The following TRMT10B variants were observed in gnomAD, a reference collection of about 807,000 sequenced individuals.
The protein encoded by TRMT10B is tRNA methyltransferase 10B.
In TRMT10B, 33 loss-of-function variants were observed where a neutral mutation model predicts 43.8. That is an observed-to-expected ratio of 0.75 (90% confidence interval 0.57 to 1.01). The LOEUF (loss-of-function observed/expected upper bound fraction) is 1.01, where lower values mean the gene tolerates loss of function less well. Among genes scored for constraint, TRMT10B ranks in the 50% least tolerant of loss-of-function variants. The probability of loss-of-function intolerance (pLI) is 0.00; values close to 1 mark genes in which losing one functional copy is unlikely to be tolerated. For missense variants in TRMT10B, 362 were observed against 369.8 expected (o/e 0.98, Z 0.17); for synonymous variants, 137 against 130.6 (o/e 1.05, Z -0.34).
chr9:37,768,785 G>A (rs1256459229), intron 5 of TRMT10B, among the ~76,000 whole-genome samples: 1 of 152,182 alleles, frequency 6.6e-6, no homozygotes, highest in Non-Finnish European at 1.5e-5. Context: ...GAATGTGAAG[G>A]GTGCATTGCG....
intron 1 of TRMT10B, among the ~76,000 whole-genome samples, chr9:37,760,806 A>C (rs1826246792): frequency 6.6e-6 from 1 of 152,210 alleles, no homozygotes. Flanking sequence ...TTTTTCATAA[A>C]AGTGGTTGTG....
At chr9:37,758,538 A>C (rs1430595923) in intron 1 of TRMT10B, among the ~76,000 whole-genome samples, 1 of 152,204 alleles carries the variant, frequency 6.6e-6, no homozygotes, top group African/African-American at 2.4e-5. Flanking sequence ...TTAAAGGCTC[A>C]GTTGGAAAAT....
At chr9:37,761,489 A>G (rs1208405091) in intron 1 of TRMT10B, among the ~76,000 whole-genome samples, 6 of 152,208 alleles carry the variant, frequency 3.9e-5, no homozygotes, top group Admixed American at 3.9e-4. Flanking sequence ...ACTTGAGGTC[A>G]GGAGTCCGAG....
chr9:37,771,926 G>A lies in TRMT10B; in HGVS notation c.720+1187G>A, dbSNP rs1168899260. The stretch of plus-strand genomic sequence containing the variant: ...GGCCTTGCTCTGTTGCTGCAACCTC[G>A]ATCTCCTGGGCTCAAGCAATCCTCC... On this transcript the variant is annotated intron_variant, in intron 7 of 8. Transcript: ENST00000297994. Among the ~76,000 whole-genome samples the A allele has an allele frequency of 2.7e-5, 4 of 150,662 alleles. No individual in the cohort carries two copies. The South Asian group carries it at 6.3e-4, about 24-fold the overall frequency.
Position 37,778,937 on chromosome 9 carries a change from T to C in TRMT10B, c.*1230T>C, listed in dbSNP as rs1272185915. 6.6e-6 allele frequency: 1 copy of C among 151,958 alleles called. No homozygotes were observed. Among genetic ancestry groups the C allele is most frequent in the African/African-American group, 2.4e-5 (1 of 41,304 alleles). The allele number at this position is 151,958 out of a possible 1,614,324, so 9.4% of individuals were successfully genotyped here. ...GCCTGTACCAACTAGATTCTTCATA[T>C]GTATTTGTAACAGATTAAATTGGAA... On this transcript the variant is annotated 3_prime_UTR_variant, in exon 9 of 9. Transcript: ENST00000297994.
intron 1 of TRMT10B, among the ~76,000 whole-genome samples, chr9:37,754,383 ATGTT>A (rs1417268863): frequency 6.6e-6 from 1 of 152,162 alleles, no homozygotes; most frequent in Non-Finnish European, 1.5e-5. Context: ...CTTGAAGGGT[ATGTT>A]TGAGGAACAG....
chr9:37,768,139 C>T lies in TRMT10B; in HGVS notation c.484C>T (p.Pro162Ser). The T allele has an allele frequency of 6.2e-7, 1 of 1,614,068 alleles. No homozygotes were observed. The highest frequency in any genetic ancestry group is 8.5e-7 in the Non-Finnish European group (1 of 1,179,982). ...TGGTTCAAACAAAAAAGCTGACAGG[C>T]CATTTTGGATCTGCCTCACTGGATT... ...LYGSNKKADRPFWICLTGFTT... is the reference protein window; with the variant it reads ...LYGSNKKADRSFWICLTGFTT... Residue 162 changes from proline to serine, a missense_variant, in exon 5 of 9, where the codon CCA becomes TCA. Coordinates refer to ENST00000297994, the MANE Select transcript of TRMT10B (RefSeq NM_144964.4).
intron 1 of TRMT10B, among the ~76,000 whole-genome samples, chr9:37,754,648 A>T (rs777848468): frequency 6.6e-6 from 1 of 152,136 alleles, no homozygotes; most frequent in Non-Finnish European, 1.5e-5. Context: ...GCTGTCATGC[A>T]AGGCAGGGTC....
chr9:37,769,961 C>T lies in TRMT10B; in HGVS notation c.594C>T (p.Asp198=). The change falls in exon 6 of 9, where the codon GAC becomes GAT. Residue 198 remains aspartate, a synonymous_variant. Coordinates refer to ENST00000297994, the MANE Select transcript of TRMT10B (RefSeq NM_144964.4). ...TCCAGTTAGACATAACAGAAGAAGA[C>T]TGCTTTAGTTTATTTCCCTTGGAAA... ...SSYLLDITEE[D]CFSLFPLETL... is the part of the protein sequence containing the mutation. 1 of 1,614,116 alleles carries T rather than the reference C, an allele frequency of 6.2e-7. No individual in the cohort carries two copies. Among genetic ancestry groups the T allele is most frequent in the Non-Finnish European group, 8.5e-7 (1 of 1,179,978 alleles).
chr9:37,776,504 A>C (rs1230966094), intron 8 of TRMT10B, 99 bp downstream of exon 8: 1 of 1,419,360 alleles, frequency 7.0e-7, no homozygotes, highest in Non-Finnish European at 9.4e-7. Context: ...TCTGTGACTA[A>C]TGTGTGTGGA....
chr9:37,761,791 G>A (rs1240190980), intron 1 of TRMT10B, 112 bp from the exon 2 acceptor site: 26 of 729,728 alleles, frequency 3.6e-5, no homozygotes, highest in East Asian at 2.7e-5. Context: ...ATCTGGTTCA[G>A]TATTTTACAC....
intron 5 of TRMT10B, chr9:37,769,705 C>G (rs1827357920): frequency 4.1e-6 from 2 of 485,844 alleles, no homozygotes; most frequent in African/African-American, 3.9e-5. Context: ...TCAAGCCATC[C>G]TGCCACCTCA....
In TRMT10B at chr9:37,772,441, C is replaced by T. The variant is rs563335814; in HGVS notation, c.720+1702C>T. ...TGCTGGGATTACGGGTGTGAGCCACCGTGCCCAGCCTCGTGTTTAAAATTT... is the reference window on the plus strand; with the variant it reads ...TGCTGGGATTACGGGTGTGAGCCACTGTGCCCAGCCTCGTGTTTAAAATTT... On this transcript the variant is annotated intron_variant, in intron 7 of 8. Transcript: ENST00000297994. Among the ~76,000 whole-genome samples, 166 of 152,076 alleles carry T rather than the reference C, an allele frequency of 1.1e-3. 7 individuals are homozygous for T. In the South Asian group the frequency reaches 0.032, roughly 29 times the overall value.
intron 5 of TRMT10B, 162 bp from the exon 6 acceptor site, chr9:37,769,779 T>A (rs1353026157): frequency 2.3e-5 from 15 of 655,954 alleles, no homozygotes; most frequent in Non-Finnish European, 4.1e-5. Flanking sequence ...TTTTTTGTAT[T>A]TTTAGTAGAG....
intron 1 of TRMT10B, among the ~76,000 whole-genome samples, chr9:37,754,082 C>T (rs1825310608): frequency 6.6e-6 from 1 of 152,244 alleles, no homozygotes; most frequent in African/African-American, 2.4e-5. Flanking sequence ...TTCGATGTGC[C>T]ATCACTTAGC....
chr9:37,761,811 A>G, intron 1 of TRMT10B, 92 bp from the exon 2 acceptor site: 1 of 875,540 alleles, frequency 1.1e-6, no homozygotes, highest in Non-Finnish European at 1.7e-6. Context: ...CACTTCTTTC[A>G]GTAACACAAT....
intron 1 of TRMT10B, among the ~76,000 whole-genome samples, chr9:37,754,929 G>C (rs10114403): frequency 0.32 from 48,865 of 152,008 alleles, 7,968 homozygotes; most frequent in Non-Finnish European, 0.35. Flanking sequence ...AAATTCATAA[G>C]ATAGGAAATA....
At chr9:37,755,556 G>C (rs1008286986) in intron 1 of TRMT10B, among the ~76,000 whole-genome samples, 8 of 152,176 alleles carry the variant, frequency 5.3e-5, no homozygotes, top group Admixed American at 2.0e-4. Flanking sequence ...AGTATTTATT[G>C]AGCTTCCATT....
intron 8 of TRMT10B, 104 bp downstream of exon 8, chr9:37,776,509 T>A: frequency 7.2e-7 from 1 of 1,386,008 alleles, no homozygotes. Context: ...GACTAATGTG[T>A]GTGGACTTTA....
Sources: gnomAD v4.1 joint callset for allele counts (sites outside exome capture counted in the v4.1 genomes callset) on GRCh38, gnomAD v4.1.1 for gene constraint, MANE v1.5 for transcripts, NCBI Gene and HGNC (gene_info 2026-07-23, HGNC 2026-07-21) for gene names.